CCDC146: variants seen among roughly 807,000 people sequenced by gnomAD.
CCDC146 encodes the protein coiled-coil domain-containing protein 146.
A neutral mutation model predicts 119.3 loss-of-function variants in CCDC146; 92 were observed. The observed-to-expected ratio is 0.77, with a 90% CI of 0.65 to 0.92. The LOEUF (loss-of-function observed/expected upper bound fraction) is 0.92, where lower values mean the gene tolerates loss of function less well. Ranked by LOEUF, CCDC146 falls within the 40% of genes least tolerant of loss-of-function variation. The probability of loss-of-function intolerance (pLI) is 0.00; values close to 1 mark genes in which losing one functional copy is unlikely to be tolerated. For missense variants in CCDC146, 1,000 were observed against 1,103.0 expected (o/e 0.91, Z 1.32); for synonymous variants, 372 against 371.8 (o/e 1.00, Z -0.01).
chr7:77,179,910 A>G (rs559291144), intron 2 of CCDC146, among the ~76,000 whole-genome samples: 2 of 152,222 alleles, frequency 1.3e-5, no homozygotes, highest in East Asian at 3.9e-4. Context: ...CTTTAGATAT[A>G]CCTCCTGTAA....
chr7:77,290,183 C>A (rs1793919439), intron 17 of CCDC146, among the ~76,000 whole-genome samples: 1 of 142,216 alleles, frequency 7.0e-6, no homozygotes. Flanking sequence ...TAGATGGGAA[C>A]TGAACAATGA....
intron 1 of CCDC146, among the ~76,000 whole-genome samples, chr7:77,150,352 C>T (rs1195647050): frequency 2.0e-5 from 3 of 152,034 alleles, no homozygotes; most frequent in Admixed American, 2.0e-4. Flanking sequence ...ACTCTCACAA[C>T]TTAATAATGG....
intron 2 of CCDC146, among the ~76,000 whole-genome samples, chr7:77,200,451 A>G (rs560821621): frequency 7.2e-5 from 11 of 152,314 alleles, no homozygotes; most frequent in East Asian, 1.9e-4. Context: ...GTGTATATTA[A>G]TGTCTAAATG....
intron 2 of CCDC146, among the ~76,000 whole-genome samples, chr7:77,215,477 T>C (rs1224389284): frequency 1.3e-5 from 2 of 152,104 alleles, no homozygotes; most frequent in Non-Finnish European, 2.9e-5. Context: ...TGGGAAATGG[T>C]ATTTAGAGAC....
At position 77,197,845 on chromosome 7, in the gene CCDC146, G is replaced by A. The variant is rs144815748; in HGVS notation, c.156+30021G>A. 9.7e-3 allele frequency among the ~76,000 whole-genome samples: 1,484 copies of A among 152,210 alleles called. 7 individuals are homozygous for A. Among genetic ancestry groups the A allele is most frequent in the Non-Finnish European group, 0.015 (1,006 of 68,012 alleles). The stretch of plus-strand genomic sequence containing the variant: ...GTTGGGTTTCTAGAAAGAAACAACA[G>A]GTGACTATATTGAGGATAAGCATAA... On this transcript the variant is annotated intron_variant, in intron 2 of 18. Coordinates refer to ENST00000285871, the MANE Select transcript of CCDC146 (RefSeq NM_020879.3).
chr7:77,144,287 A>C (rs958428365), intron 1 of CCDC146, among the ~76,000 whole-genome samples: 2 of 151,782 alleles, frequency 1.3e-5, no homozygotes, highest in African/African-American at 4.9e-5. Context: ...ATTTTGCTGA[A>C]GTTGCTTATC....
chr7:77,213,511 G>A (rs933606657), intron 2 of CCDC146, among the ~76,000 whole-genome samples: 4 of 152,114 alleles, frequency 2.6e-5, no homozygotes, highest in East Asian at 1.9e-4. Flanking sequence ...GAGGTTATAT[G>A]TACAGGTTTG....
intron 17 of CCDC146, among the ~76,000 whole-genome samples, chr7:77,292,517 T>G (rs1384694364): frequency 6.7e-6 from 1 of 148,984 alleles, no homozygotes; most frequent in Non-Finnish European, 1.5e-5. Context: ...CTCGGGAGGC[T>G]GAGGCAGGAG....
At chr7:77,164,916 T>C (rs1487049670) in intron 1 of CCDC146, among the ~76,000 whole-genome samples, 1 of 152,194 alleles carries the variant, frequency 6.6e-6, no homozygotes, top group Non-Finnish European at 1.5e-5. Flanking sequence ...ATGATACATA[T>C]TCAGCAGAAG....
rs1399512149 is a variant in CCDC146, at chr7:77,131,071, C to T, written c.-12+8339C>T. ...CACACCTGGCCAATTTTTATAAAGA[C>T]GGGGTTTCACCATGTCGGCCAGGCT... On this transcript the variant is annotated intron_variant, in intron 1 of 18. Coordinates refer to ENST00000285871, the MANE Select transcript of CCDC146 (RefSeq NM_020879.3). Among the ~76,000 whole-genome samples the T allele has an allele frequency of 5.9e-5, 9 of 152,048 alleles. No homozygotes were observed. In the South Asian group the frequency reaches 1.7e-3, roughly 28 times the overall value.
chr7:77,130,629 C>T (rs1378119065), intron 1 of CCDC146, among the ~76,000 whole-genome samples: 4 of 133,566 alleles, frequency 3.0e-5, no homozygotes, highest in Admixed American at 7.9e-5. Context: ...GACGGAGTTT[C>T]GCTCTGTCGC....
At position 77,293,037 on chromosome 7, in the gene CCDC146, C is replaced by A. The variant is rs1443729204; in HGVS notation, c.2501C>A (p.Thr834Asn). 1 of 1,614,124 alleles carries A rather than the reference C, an allele frequency of 6.2e-7. No individual in the cohort carries two copies. Among genetic ancestry groups the A allele is most frequent in the East Asian group, 2.2e-5 (1 of 44,886 alleles). ...VAELSMKQALTIELQKEVREK... is the reference protein window; with the variant it reads ...VAELSMKQALNIELQKEVREK... Reference sequence around the variant, plus strand: ...GAGCTGTCCATGAAACAAGCCCTAACCATTGAACTCCAAAAGGAAGTCAGG... The same window carrying A: ...GAGCTGTCCATGAAACAAGCCCTAAACATTGAACTCCAAAAGGAAGTCAGG... Residue 834 changes from threonine to asparagine, a missense_variant, in exon 18 of 19, where the codon ACC (threonine) becomes AAC (asparagine). By Grantham distance (65) the Thr-to-Asn change is moderately conservative. This residue lies in a region of CCDC146 where 985 missense variants were observed against 1,045.3 expected (regional missense o/e 0.94). Transcript: ENST00000285871.
At chr7:77,280,976 G>A (rs951341845) in intron 14 of CCDC146, among the ~76,000 whole-genome samples, 2 of 152,096 alleles carry the variant, frequency 1.3e-5, no homozygotes, top group Non-Finnish European at 2.9e-5. Context: ...GGTGGTGGGG[G>A]CCTGTAATCC....
At chr7:77,173,289 G>C (rs1323443359) in intron 2 of CCDC146, among the ~76,000 whole-genome samples, 2 of 152,004 alleles carry the variant, frequency 1.3e-5, no homozygotes, top group Non-Finnish European at 2.9e-5. Flanking sequence ...AGACCTAACA[G>C]GGCAGGAACT....
At position 77,241,732 on chromosome 7, in the gene CCDC146, G is replaced by C; in HGVS notation, c.281G>C (p.Arg94Pro). 6.2e-7 allele frequency: 1 copy of C among 1,613,938 alleles called. No individual in the cohort carries two copies. Among genetic ancestry groups the C allele is most frequent in the Non-Finnish European group, 8.5e-7 (1 of 1,180,012 alleles). ...SEVQLLQNAKRFTEQIQQQQF... is the reference protein window; with the variant it reads ...SEVQLLQNAKPFTEQIQQQQF... Reference sequence around the variant, plus strand: ...GTCCAACTGCTACAGAATGCCAAACGTTTCACTGAGCAAATACAACAGCAG... The same window carrying C: ...GTCCAACTGCTACAGAATGCCAAACCTTTCACTGAGCAAATACAACAGCAG... The change falls in exon 4 of 19, where the codon CGT becomes CCT. Residue 94 changes from arginine to proline, a missense_variant. By Grantham distance (103) the Arg-to-Pro change is moderately radical. Around this residue, in one of 2 missense-constraint regions of CCDC146, gnomAD observed 985 missense variants for 1,045.3 expected, o/e 0.94. Transcript: ENST00000285871.
At chr7:77,138,671 A>G (rs1202292154) in intron 1 of CCDC146, among the ~76,000 whole-genome samples, 2 of 152,224 alleles carry the variant, frequency 1.3e-5, no homozygotes, top group African/African-American at 4.8e-5. Flanking sequence ...GAACTCTTAA[A>G]ATTCAAAAAC....
Position 77,259,033 on chromosome 7 carries a change from T to C in CCDC146, c.723T>C (p.Ile241=). 1 of 1,612,190 alleles carries C rather than the reference T, an allele frequency of 6.2e-7. No homozygotes were observed. Among genetic ancestry groups the C allele is most frequent in the Non-Finnish European group, 8.5e-7 (1 of 1,178,670 alleles). The part of the protein sequence containing the change: ...VAHHQTIPVQ[I]GKEIEKITRK... Reference sequence around the variant, plus strand: ...ACCATCAAACCATTCCAGTACAAATTGGAAAAGAGATAGAAAAAATAACAC... The same window carrying C: ...ACCATCAAACCATTCCAGTACAAATCGGAAAAGAGATAGAAAAAATAACAC... The change falls in exon 7 of 19, where the codon ATT becomes ATC. Residue 241 remains isoleucine (I), a synonymous_variant. Transcript: ENST00000285871.
intron 3 of CCDC146, among the ~76,000 whole-genome samples, chr7:77,237,724 G>A (rs141718189): frequency 6.6e-6 from 1 of 152,226 alleles, no homozygotes; most frequent in Non-Finnish European, 1.5e-5. Flanking sequence ...TCACCAACAG[G>A]TCAGAAGAAC....
chr7:77,205,192 T>G (rs1251049907), intron 2 of CCDC146, among the ~76,000 whole-genome samples: 1 of 152,214 alleles, frequency 6.6e-6, no homozygotes, highest in Non-Finnish European at 1.5e-5. Context: ...TTCATGGTAG[T>G]TGTTTCCTAT....
Sources: allele counts gnomAD v4.1 joint callset (sites outside exome capture counted in the v4.1 genomes callset), GRCh38; gene constraint gnomAD v4.1.1; regional missense constraint gnomAD v4.1.1; transcripts MANE v1.5; gene names NCBI Gene and HGNC (gene_info 2026-07-23, HGNC 2026-07-21).